ARAP2: variants seen among roughly 807,000 people sequenced by gnomAD.
ARAP2 encodes ArfGAP with RhoGAP domain, ankyrin repeat and PH domain 2.
Under a neutral mutation model 194.5 loss-of-function variants are expected in ARAP2, and 148 were observed. The observed-to-expected ratio is 0.76, with a 90% CI of 0.67 to 0.87. ARAP2 has a LOEUF of 0.87. Ranked by LOEUF, ARAP2 falls within the 40% of genes least tolerant of loss-of-function variation. ARAP2 has a pLI of 0.00. For missense variants in ARAP2, 2,128 were observed against 1,989.7 expected, an observed-to-expected ratio of 1.07 and a Z score of -1.32; for synonymous variants, 695 against 683.5, an observed-to-expected ratio of 1.02 and a Z score of -0.26.
rs772867455 is a variant in ARAP2 at position 36,114,277 on chromosome 4, A to G, written c.4049T>C (p.Val1350Ala). ...ATTAGTTAATTCTTCTGCTTCCATC[A>G]CAGGAGATATCTGTAAGAGAAGTAA... ...DCSIIIRISPVMEAEELTNDI... is the reference protein window; with the variant it reads ...DCSIIIRISPAMEAEELTNDI... The change falls in exon 26 of 33, where the codon GTG becomes GCG. Residue 1350 changes from valine to alanine, a missense_variant. Val to Ala is a moderately conservative substitution (Grantham distance 64). Coordinates refer to ENST00000303965, the MANE Select transcript of ARAP2 (RefSeq NM_015230.4). The G allele has an allele frequency of 6.4e-7, 1 of 1,567,500 alleles. No individual in the cohort carries two copies. The highest frequency in any genetic ancestry group is 8.7e-7 in the Non-Finnish European group (1 of 1,143,832).
chr4:36,203,772 G>T (rs73129103), intron 6 of ARAP2, among the ~76,000 whole-genome samples: 1 of 151,984 alleles, frequency 6.6e-6, no homozygotes, highest in African/African-American at 2.4e-5. Context: ...CGGTGCTTCC[G>T]ATCAGTTTTG....
chr4:36,234,437 C>T (rs996846544), intron 1 of ARAP2, among the ~76,000 whole-genome samples: 11 of 152,292 alleles, frequency 7.2e-5, no homozygotes, highest in Middle Eastern at 3.4e-3. Flanking sequence ...ATACAATTCC[C>T]TTTGGCAGTC....
chr4:36,223,863 G>C (rs1271682441), intron 2 of ARAP2, among the ~76,000 whole-genome samples: 1 of 152,000 alleles, frequency 6.6e-6, no homozygotes, highest in Non-Finnish European at 1.5e-5. Context: ...TATCCAGAAC[G>C]ATAAGAAAAA....
chr4:36,214,101 A>G (rs1302098602), intron 3 of ARAP2, among the ~76,000 whole-genome samples: 4 of 152,162 alleles, frequency 2.6e-5, no homozygotes, highest in South Asian at 2.1e-4. Context: ...TTCCGTACAT[A>G]TATCTTTGTT....
chr4:36,024,638 TAAAC>T (rs976211840), intron 5 of ARAP2, among the ~76,000 whole-genome samples: 7 of 152,104 alleles, frequency 4.6e-5, no homozygotes, highest in African/African-American at 1.7e-4. Context: ...AACTCTAAAA[TAAAC>T]AAATATTTAA....
intron 8 of ARAP2, among the ~76,000 whole-genome samples, chr4:36,014,418 T>C (rs751803845): frequency 1.3e-5 from 2 of 151,968 alleles, no homozygotes; most frequent in South Asian, 4.1e-4. Flanking sequence ...CCACTTCTTC[T>C]AGTCAATATT....
chr4:36,118,106 T>C (rs1028377852), intron 24 of ARAP2, among the ~76,000 whole-genome samples: 22 of 151,326 alleles, frequency 1.5e-4, no homozygotes, highest in African/African-American at 5.1e-4. Flanking sequence ...AAGATGAACT[T>C]TGAAAAAGTT....
chr4:36,180,520 T>C (rs890146251), intron 8 of ARAP2, among the ~76,000 whole-genome samples: 3 of 152,244 alleles, frequency 2.0e-5, no homozygotes, highest in African/African-American at 7.2e-5. Flanking sequence ...CTTAACCTGG[T>C]TATTACTTGT....
At chr4:36,208,998 G>A (rs2109262375) in intron 6 of ARAP2, among the ~76,000 whole-genome samples, 1 of 152,242 alleles carries the variant, frequency 6.6e-6, no homozygotes, top group African/African-American at 2.4e-5. Context: ...AACTGTCCCA[G>A]AGGTGGCCAA....
At chr4:36,238,284 G>A (rs1032615559) in intron 1 of ARAP2, among the ~76,000 whole-genome samples, 1 of 152,088 alleles carries the variant, frequency 6.6e-6, no homozygotes, top group Non-Finnish European at 1.5e-5. Context: ...CCCTCAGAAT[G>A]ACATTGATAA....
At chr4:36,154,471 T>C (rs1434673319) in intron 15 of ARAP2, among the ~76,000 whole-genome samples, 2 of 152,166 alleles carry the variant, frequency 1.3e-5, no homozygotes, top group African/African-American at 2.4e-5. Context: ...TCAAATACTA[T>C]GTAAACAAAT....
chr4:36,112,300 CATTGCT>C, intron 26 of ARAP2, among the ~76,000 whole-genome samples: 1 of 151,920 alleles, frequency 6.6e-6, no homozygotes, highest in East Asian at 1.9e-4. Flanking sequence ...GGTATATACA[CATTGCT>C]ATTCTATAAG....
intron 8 of ARAP2, among the ~76,000 whole-genome samples, chr4:36,184,255 C>T (rs901095493): frequency 1.4e-5 from 2 of 139,214 alleles, no homozygotes; most frequent in East Asian, 2.1e-4. Flanking sequence ...AAGTTCCATA[C>T]AAAACATATA....
intron 30 of ARAP2, among the ~76,000 whole-genome samples, chr4:36,080,977 A>C (rs1395866780): frequency 1.3e-5 from 2 of 152,156 alleles, no homozygotes; most frequent in African/African-American, 4.8e-5. Flanking sequence ...TAAGAGGAAA[A>C]TTTTATAATT....
chr4:36,082,203 A>G, intron 30 of ARAP2, 48 bp downstream of exon 30: 1 of 1,528,668 alleles, frequency 6.5e-7, no homozygotes, highest in Non-Finnish European at 9.0e-7. Context: ...CTTTTCCTGA[A>G]ATTGTCACCA....
chr4:36,016,404 T>C (rs577955481), intron 6 of ARAP2, among the ~76,000 whole-genome samples: 1 of 152,304 alleles, frequency 6.6e-6, no homozygotes, highest in Non-Finnish European at 1.5e-5. Context: ...TCTTAATATA[T>C]ATCTAAAGCA....
intron 7 of ARAP2, among the ~76,000 whole-genome samples, chr4:36,191,113 T>C (rs1192304092): frequency 6.6e-6 from 1 of 152,202 alleles, no homozygotes; most frequent in Non-Finnish European, 1.5e-5. Context: ...TTAGAATGCC[T>C]AAAAACATTT....
chr4:36,108,520 T>C (rs1255742023), intron 26 of ARAP2, among the ~76,000 whole-genome samples: 1 of 151,972 alleles, frequency 6.6e-6, no homozygotes, highest in Non-Finnish European at 1.5e-5. Flanking sequence ...ATAAAAAACA[T>C]GATGTGTCAA....
intron 8 of ARAP2, among the ~76,000 whole-genome samples, chr4:36,184,290 TATATAC>T (rs1042016563): frequency 6.6e-5 from 10 of 151,548 alleles, no homozygotes; most frequent in African/African-American, 2.4e-4. Flanking sequence ...TATATATATA[TATATAC>T]GTACACACAC....
Sources: allele counts gnomAD v4.1 joint callset (sites outside exome capture counted in the v4.1 genomes callset), GRCh38; gene constraint gnomAD v4.1.1; transcripts MANE v1.5; gene names NCBI Gene and HGNC (gene_info 2026-07-23, HGNC 2026-07-21).